The following MPP2 variants were observed in gnomAD, a reference collection of about 807,000 sequenced individuals.
The protein encoded by MPP2 is MAGUK p55 scaffold protein 2, also known as MAGUK p55 subfamily member 2.
MPP2 carries 42 observed loss-of-function variants against 58.5 expected under a neutral mutation model. The observed-to-expected ratio is 0.72, with a 90% confidence interval of 0.56 to 0.93. The LOEUF (loss-of-function observed/expected upper bound fraction) is 0.93, where lower values mean the gene tolerates loss of function less well. Among genes scored for constraint, MPP2 ranks in the 40% least tolerant of loss-of-function variants. The probability of loss-of-function intolerance (pLI) is 0.00; values close to 1 mark genes in which losing one functional copy is unlikely to be tolerated. For missense variants in MPP2, 632 were observed against 760.4 expected, an observed-to-expected ratio of 0.83 and a Z score of 1.99; for synonymous variants, 300 against 307.8, an observed-to-expected ratio of 0.97 and a Z score of 0.26.
intron 2 of MPP2, chr17:43,900,689 A>C: frequency 3.1e-5 from 43 of 1,385,546 alleles, no homozygotes; most frequent in Non-Finnish European, 4.0e-5. Context: ...GGGAAGGCTC[A>C]GCCGCCGTGA....
At chr17:43,908,639 G>GTACT (rs1473624825), upstream of MPP2, among the ~76,000 whole-genome samples, 1 of 152,220 alleles carries the variant, frequency 6.6e-6, no homozygotes, top group Non-Finnish European at 1.5e-5. Flanking sequence ...TACTTGGGAA[G>GTACT]CTGAGGCTGC....
intron 5 of MPP2, 88 bp downstream of exon 5, chr17:43,882,815 C>A: frequency 6.3e-7 from 1 of 1,577,854 alleles, no homozygotes; most frequent in Non-Finnish European, 8.6e-7. Flanking sequence ...CATCTTCAGA[C>A]CACACTTGGC....
chr17:43,902,311 G>A (rs1277426720), intron 2 of MPP2, among the ~76,000 whole-genome samples: 1 of 152,132 alleles, frequency 6.6e-6, no homozygotes, highest in East Asian at 1.9e-4. Context: ...CCATCAAGTG[G>A]TCTGCAACAA....
chr17:43,883,047 G>A lies in MPP2; in HGVS notation c.309C>T (p.Leu103=). 1 of 1,612,186 alleles carries A rather than the reference G, an allele frequency of 6.2e-7. No homozygotes were observed. Among genetic ancestry groups the A allele is most frequent in the Non-Finnish European group, 8.5e-7 (1 of 1,179,158 alleles). ...AGGCCACAGAGTCGTGCGTCTCCAG[G>A]AGGGACTGGGGGGTGGTGGGAAGAG... is the stretch of plus-strand genomic sequence containing the variant. ...HILQEPHFQS[L]LETHDSVASK... is the part of the protein sequence containing the mutation. The change falls in exon 5 of 13, where the codon CTC becomes CTT. Residue 103 remains leucine, a synonymous_variant. Transcript: ENST00000269095.
At chr17:43,907,831 T>A (rs3809746), upstream of MPP2, 1 of 985,306 alleles carries the variant, frequency 1.0e-6, no homozygotes, top group Non-Finnish European at 1.2e-6. Flanking sequence ...TAAAAGTGCC[T>A]AATGAGACCG....
rs759503372 is a variant in MPP2, at chr17:43,882,471, G to A, written c.494C>T (p.Ala165Val). The A allele has an allele frequency of 5.0e-6, 8 of 1,606,722 alleles. No homozygotes were observed. Among genetic ancestry groups the A allele is most frequent in the East Asian group, 2.2e-5 (1 of 44,884 alleles). Residue 165 changes from alanine to valine, a missense_variant, in exon 6 of 13, where the codon GCG (alanine) becomes GTG (valine). Transcript: ENST00000269095. ...FRVEGGELVI[A>V]RILHGGMVAQ... is the part of the protein sequence containing the mutation. ...CACCATGCCCCCATGCAGAATGCGC[G>A]CGATCACCAGCTCGCCGCCCTCCAC...
chr17:43,882,857 C>T, intron 5 of MPP2, 46 bp downstream of exon 5: 1 of 1,607,626 alleles, frequency 6.2e-7, no homozygotes. Context: ...TATTCTCAAT[C>T]CCCCCACCCT....
chr17:43,879,730 G>A lies in MPP2; in HGVS notation c.1353+52C>T. The A allele has an allele frequency of 2.5e-6, 4 of 1,591,512 alleles. No homozygotes were observed. Among genetic ancestry groups the A allele is most frequent in the Non-Finnish European group, 3.4e-6 (4 of 1,164,600 alleles). ...GTCTGGAACTATATGGGGGAGCAAT[G>A]AGGCAGCAGAGAGGACATTGGGCAG... On this transcript the variant is annotated intron_variant, in intron 11 of 12. Coordinates refer to ENST00000269095, the MANE Select transcript of MPP2 (RefSeq NM_005374.5). The surrounding 1 kb of genome is among the most constrained non-coding windows in gnomAD (Gnocchi z 4.1).
At position 43,907,511 on chromosome 17, in the gene MPP2, G is replaced by C; in HGVS notation, c.-71C>G. On this transcript the variant is annotated 5_prime_UTR_variant, in exon 1 of 13. Coordinates refer to ENST00000269095, the MANE Select transcript of MPP2 (RefSeq NM_005374.5). ...AAGCCCCTAGCTCCGGGCGGCTCCA[G>C]CGCAGCCGGGCGCTCAGCGTTTATT... 2 of 985,532 alleles carry C rather than the reference G, an allele frequency of 2.0e-6. No homozygotes were observed. The highest frequency in any genetic ancestry group is 2.4e-6 in the Non-Finnish European group (2 of 829,974). The allele number at this position is 985,532 out of a possible 1,614,324, so 61.0% of individuals were successfully genotyped here.
At chr17:43,902,263 G>T (rs2543106) in intron 2 of MPP2, among the ~76,000 whole-genome samples, 46,919 of 151,898 alleles carry the variant, frequency 0.31, 9,087 homozygotes, top group Middle Eastern at 0.45. Context: ...ACACCCCAAG[G>T]CTCCACTCCC....
intron 3 of MPP2, among the ~76,000 whole-genome samples, chr17:43,896,554 T>C (rs1292944067): frequency 6.6e-6 from 1 of 151,800 alleles, no homozygotes; most frequent in African/African-American, 2.4e-5. Flanking sequence ...AGCCTGGGCC[T>C]CTTTTCTCTG....
Position 43,879,753 on chromosome 17 carries a change from C to T in MPP2, c.1353+29G>A, listed in dbSNP as rs1159554229. The T allele has an allele frequency of 1.2e-6, 2 of 1,610,854 alleles. No homozygotes were observed. Among genetic ancestry groups the T allele is most frequent in the Non-Finnish European group, 8.5e-7 (1 of 1,179,078 alleles). On this transcript the variant is annotated intron_variant, in intron 11 of 12. Transcript: ENST00000269095. The surrounding 1 kb of genome is among the most constrained non-coding windows in gnomAD (Gnocchi z 4.1). The stretch of plus-strand genomic sequence containing the variant: ...ATGAGGCAGCAGAGAGGACATTGGG[C>T]AGGCTGGGAAGGAGCAGAGTGGCGG...
intron 1 of MPP2, chr17:43,907,211 A>T (rs2048326479): frequency 1.0e-6 from 1 of 984,864 alleles, no homozygotes; most frequent in African/African-American, 1.8e-5. Context: ...ACAGCTCACC[A>T]CCTTGGTGCC....
At chr17:43,907,590 G>T (rs1247958218), upstream of MPP2, 1 of 985,446 alleles carries the variant, frequency 1.0e-6, no homozygotes, top group Non-Finnish European at 1.2e-6. Flanking sequence ...CCGCGAGGGG[G>T]CGGAGGTCCG....
At chr17:43,898,441 A>C in intron 2 of MPP2, 61 bp from the exon 3 acceptor site, 1 of 1,144,688 alleles carries the variant, frequency 8.7e-7, no homozygotes, top group Non-Finnish European at 1.3e-6. Context: ...AGACCAAAAC[A>C]CACCACAATA....
In MPP2 at chr17:43,900,429, G is replaced by C. The variant is rs1025182322; in HGVS notation, c.32-2049C>G. ...ACTCTGCTGGAGGAAGGTAGGCTAAGGGGCCAGCTGCCCCGCCCCCATCTG... is the reference window on the plus strand; with the variant it reads ...ACTCTGCTGGAGGAAGGTAGGCTAACGGGCCAGCTGCCCCGCCCCCATCTG... On this transcript the variant is annotated intron_variant, in intron 2 of 12. Coordinates refer to ENST00000269095, the MANE Select transcript of MPP2 (RefSeq NM_005374.5). 13 of 1,543,416 alleles carry C rather than the reference G, an allele frequency of 8.4e-6. No homozygotes were observed. In the Admixed American group the frequency reaches 2.4e-4, roughly 29 times the overall value.
At chr17:43,894,437 A>ATG (rs2047741800) in intron 3 of MPP2, among the ~76,000 whole-genome samples, 1 of 14,088 alleles carries the variant, frequency 7.1e-5, no homozygotes, top group Admixed American at 7.7e-4. Flanking sequence ...ATATATATAT[A>ATG]TATATATACA....
rs946866592 is a variant in MPP2, at chr17:43,880,457, G to C, written c.1150+234C>G. Among the ~76,000 whole-genome samples the C allele has an allele frequency of 2.0e-5, 3 of 152,208 alleles. No homozygotes were observed. The highest frequency in any genetic ancestry group is 4.4e-5 in the Non-Finnish European group (3 of 68,042). On this transcript the variant is annotated intron_variant, in intron 10 of 12. Transcript: ENST00000269095. This position sits in a 1 kb window ranked among gnomAD's most constrained non-coding sequence, Gnocchi z 5.2. ...CTTTTAGCAAGTGAAACAAGAGAAG[G>C]AAAGTGGACGCCAGCCCAGCCCGCT...
upstream of MPP2, among the ~76,000 whole-genome samples, chr17:43,908,295 G>A (rs59071383): frequency 6.6e-6 from 1 of 152,186 alleles, no homozygotes; most frequent in Non-Finnish European, 1.5e-5. Context: ...TCCAAATACG[G>A]GAGGCTCTGT....
Sources: gnomAD v4.1 joint callset for allele counts (sites outside exome capture counted in the v4.1 genomes callset) on GRCh38, gnomAD v4.1.1 for gene constraint, Gnocchi (gnomAD v3.1) non-coding constraint, MANE v1.5 for transcripts, NCBI Gene and HGNC (gene_info 2026-07-23, HGNC 2026-07-21) for gene names.